The following HSD17B12 variants were observed in gnomAD, a reference collection of about 807,000 sequenced individuals.
HSD17B12 encodes the protein very-long-chain 3-oxoacyl-CoA reductase.
In HSD17B12, 32 loss-of-function variants were observed where a neutral mutation model predicts 39.3. That is an observed-to-expected ratio of 0.81 (90% CI 0.61 to 1.09). The LOEUF (loss-of-function observed/expected upper bound fraction) is 1.09. Among genes scored for constraint, HSD17B12 ranks in the 50% least tolerant of loss-of-function variants. The pLI, the probability that HSD17B12 is intolerant of heterozygous loss-of-function variation, is 0.00. For missense variants in HSD17B12, 342 were observed against 382.9 expected (o/e 0.89, Z 0.89); for synonymous variants, 150 against 146.7 (o/e 1.02, Z -0.16).
In HSD17B12 at chr11:43,791,591, A is replaced by C. The variant is rs574244835; in HGVS notation, c.284-6729A>C. Among the ~76,000 whole-genome samples the C allele has an allele frequency of 7.2e-5, 11 of 152,206 alleles. No individual in the cohort carries two copies. In the South Asian group the frequency reaches 2.1e-3, roughly 29 times the overall value. ...ATTTTGCCTTTTTCTCCCCTCAAAA[A>C]ACAAAATTCAGGTACTTCTGTTGAC... is the stretch of plus-strand genomic sequence containing the variant. On this transcript the variant is annotated intron_variant, in intron 3 of 10. Coordinates refer to ENST00000278353, the MANE Select transcript of HSD17B12 (RefSeq NM_016142.3).
chr11:43,606,283 T>G, the HSD17B12 span, among the ~76,000 whole-genome samples: 19,378 of 152,238 alleles, frequency 0.13, 1,483 homozygotes, highest in Middle Eastern at 0.26. Context: ...ATGGGGGCAA[T>G]TCACCTGCAC....
chr11:43,613,611 T>A, the HSD17B12 span, among the ~76,000 whole-genome samples: 4 of 152,074 alleles, frequency 2.6e-5, no homozygotes, highest in Non-Finnish European at 5.9e-5. Flanking sequence ...TTTATTCTTA[T>A]TTTTTCCACT....
intron 3 of HSD17B12, among the ~76,000 whole-genome samples, chr11:43,761,486 T>C (rs1000491649): frequency 1.2e-4 from 18 of 152,236 alleles, no homozygotes; most frequent in Admixed American, 7.2e-4. Flanking sequence ...CCCAAACTTA[T>C]TGTGGTAAAG....
rs547789459 is a variant in HSD17B12 at position 43,711,612 on chromosome 11, C to G, written c.160+30625C>G. Among the ~76,000 whole-genome samples the G allele has an allele frequency of 3.3e-5, 5 of 151,844 alleles. No individual in the cohort carries two copies. In the South Asian group the frequency reaches 1.0e-3, roughly 32 times the overall value. On this transcript the variant is annotated intron_variant, in intron 1 of 10. Coordinates refer to ENST00000278353, the MANE Select transcript of HSD17B12 (RefSeq NM_016142.3). ...ACCTCAGCCTCCCAAGTAGCTGCAG[C>G]TACACATGTGTACTACCACACCTGA...
chr11:43,662,559 G>A, the HSD17B12 span, among the ~76,000 whole-genome samples: 1 of 151,630 alleles, frequency 6.6e-6, no homozygotes, highest in African/African-American at 2.4e-5. Context: ...TTCCTCATTA[G>A]ATTAAGAGGA....
At chr11:43,560,747 T>C in the HSD17B12 span, among the ~76,000 whole-genome samples, 1 of 152,052 alleles carries the variant, frequency 6.6e-6, no homozygotes, top group Non-Finnish European at 1.5e-5. Flanking sequence ...TTCAAGACAA[T>C]AACAGTAGAA....
chr11:43,634,718 G>C, the HSD17B12 span, among the ~76,000 whole-genome samples: 1 of 152,212 alleles, frequency 6.6e-6, no homozygotes, highest in African/African-American at 2.4e-5. Flanking sequence ...ATCCAGGAGG[G>C]TGGGATTGAA....
At chr11:43,788,670 C>A (rs764256008) in intron 3 of HSD17B12, among the ~76,000 whole-genome samples, 3 of 139,970 alleles carry the variant, frequency 2.1e-5, no homozygotes. Context: ...ACTCTGCCAC[C>A]GTCATTTCCT....
chr11:43,834,401 C>A (rs1565106600), intron 7 of HSD17B12, among the ~76,000 whole-genome samples: 1 of 150,514 alleles, frequency 6.6e-6, no homozygotes, highest in Non-Finnish European at 1.5e-5. Flanking sequence ...TCCTTGGCTA[C>A]AATCAAATTC....
chr11:43,739,517 C>A (rs1414844580), intron 1 of HSD17B12, among the ~76,000 whole-genome samples: 1 of 152,146 alleles, frequency 6.6e-6, no homozygotes, highest in African/African-American at 2.4e-5. Context: ...AGGATGGCAC[C>A]CTGTTGCTGC....
intron 1 of HSD17B12, among the ~76,000 whole-genome samples, chr11:43,711,963 G>C (rs552940954): frequency 7.9e-5 from 12 of 152,214 alleles, no homozygotes; most frequent in Admixed American, 3.9e-4. Flanking sequence ...CATCAGCAAG[G>C]GCACTGTAAA....
At chr11:43,684,711 A>C (rs1243808016) in intron 1 of HSD17B12, among the ~76,000 whole-genome samples, 1 of 152,238 alleles carries the variant, frequency 6.6e-6, no homozygotes, top group Non-Finnish European at 1.5e-5. Context: ...GATATAATTA[A>C]TATACCATAC....
At chr11:43,703,914 CT>C (rs1286567871) in intron 1 of HSD17B12, among the ~76,000 whole-genome samples, 1 of 151,444 alleles carries the variant, frequency 6.6e-6, no homozygotes, top group Non-Finnish European at 1.5e-5. Context: ...TATTTCTGCT[CT>C]GATCCTTATT....
chr11:43,728,683 G>T (rs745336197), intron 1 of HSD17B12, among the ~76,000 whole-genome samples: 6 of 152,036 alleles, frequency 3.9e-5, no homozygotes, highest in Non-Finnish European at 5.9e-5. Context: ...CTCATCATTA[G>T]GTGATGATCC....
the HSD17B12 span, among the ~76,000 whole-genome samples, chr11:43,606,929 A>G: frequency 6.6e-6 from 1 of 152,174 alleles, no homozygotes; most frequent in Non-Finnish European, 1.5e-5. Flanking sequence ...CAATGTGAGC[A>G]GTCTGTGTGA....
Position 43,778,204 on chromosome 11 carries a change from C to G in HSD17B12, c.284-20116C>G, listed in dbSNP as rs915749494. Among the ~76,000 whole-genome samples the G allele has an allele frequency of 2.2e-3, 330 of 152,318 alleles. 1 individual carries two copies. The highest frequency in any genetic ancestry group is 7.3e-3 in the African/African-American group (305 of 41,572). On this transcript the variant is annotated intron_variant, in intron 3 of 10. Transcript: ENST00000278353. ...AACTATCATCAGAGAATACTACAAA[C>G]ACCTCTATGCAAATAAACTAGACAA...
At chr11:43,814,329 A>G (rs918918857) in intron 4 of HSD17B12, among the ~76,000 whole-genome samples, 10 of 152,110 alleles carry the variant, frequency 6.6e-5, no homozygotes, top group Admixed American at 2.6e-4. Context: ...GTTTCCTAAT[A>G]TGTAAGAGGA....
At chr11:43,844,030 T>G (rs1951452117) in intron 9 of HSD17B12, among the ~76,000 whole-genome samples, 1 of 152,218 alleles carries the variant, frequency 6.6e-6, no homozygotes, top group African/African-American at 2.4e-5. Context: ...TTTTTGAGCT[T>G]CTTCTATTGC....
At chr11:43,799,224 T>C (rs1003287157) in intron 4 of HSD17B12, among the ~76,000 whole-genome samples, 1 of 152,054 alleles carries the variant, frequency 6.6e-6, no homozygotes, top group Non-Finnish European at 1.5e-5. Context: ...ACTATATGTA[T>C]ATCTCTGCTT....
Sources: gnomAD v4.1 joint callset for allele counts (sites outside exome capture counted in the v4.1 genomes callset) on GRCh38, gnomAD v4.1.1 for gene constraint, MANE v1.5 for transcripts, NCBI Gene and HGNC (gene_info 2026-07-23, HGNC 2026-07-21) for gene names.